The following SAMD4B variants were observed in gnomAD, a reference collection of about 807,000 sequenced individuals.
SAMD4B encodes the protein protein Smaug homolog 2.
In SAMD4B, 5 loss-of-function variants were observed where a neutral mutation model predicts 74.5. The observed-to-expected ratio is 0.07, with a 90% CI of 0.04 to 0.14. SAMD4B has a LOEUF of 0.14. SAMD4B is among the 10% of genes least tolerant of loss of function. The probability of loss-of-function intolerance (pLI) is 1.00; values close to 1 mark genes in which losing one functional copy is unlikely to be tolerated. For synonymous variants in SAMD4B, 373 were observed against 374.9 expected (o/e 1.00, Z 0.06); for missense variants, 608 against 921.8 (o/e 0.66, Z 4.41).
At chr19:39,343,989 C>CCG (rs1555716102) in intron 1 of SAMD4B, among the ~76,000 whole-genome samples, 1 of 82,602 alleles carries the variant, frequency 1.2e-5, no homozygotes, top group African/African-American at 3.8e-5. Context: ...AGGACCCCCC[C>CCG]CCCCCACACA....
rs557020697 is a variant in SAMD4B, at chr19:39,351,740, A to G, written c.-266-2266A>G. On this transcript the variant is annotated intron_variant, in intron 1 of 13. Coordinates refer to ENST00000610417, the MANE Select transcript of SAMD4B (RefSeq NM_001384574.2). ...CTGAAGCAGGCTTCCACCGTGAAATAGAAGAGGTGGCAACTGGTGACATCA... is the reference window on the plus strand; with the variant it reads ...CTGAAGCAGGCTTCCACCGTGAAATGGAAGAGGTGGCAACTGGTGACATCA... 2.0e-5 allele frequency: 3 copies of G among 152,112 alleles called. No homozygotes were observed. In the East Asian group the frequency reaches 5.8e-4, roughly 29 times the overall value. 9.4% of individuals were successfully genotyped at this position (152,112 alleles called of 1,614,324 possible).
At chr19:39,348,982 A>G (rs2075861421) in intron 1 of SAMD4B, among the ~76,000 whole-genome samples, 1 of 152,222 alleles carries the variant, frequency 6.6e-6, no homozygotes, top group South Asian at 2.1e-4. Context: ...CCTTCTCAGT[A>G]GGTACTATTA....
In SAMD4B at chr19:39,383,768, A is replaced by G. The variant is rs766106869; in HGVS notation, c.*241A>G. 1 of 1,482,320 alleles carries G rather than the reference A, an allele frequency of 6.7e-7. No individual in the cohort carries two copies. Among genetic ancestry groups the G allele is most frequent in the Non-Finnish European group, 9.1e-7 (1 of 1,100,174 alleles). The allele number at this position is 1,482,320 out of a possible 1,614,324, so 91.8% of individuals were successfully genotyped here. On this transcript the variant is annotated 3_prime_UTR_variant, in exon 14 of 14. Transcript: ENST00000610417. The surrounding 1 kb of genome is among the most constrained non-coding windows in gnomAD (Gnocchi z 4.1). ...TGGGGGCAGCCAGGATAAAGGGGGC[A>G]GGGACTGGCCAGACTGCCTGCCTCT... is the stretch of plus-strand genomic sequence containing the variant.
At chr19:39,366,985 A>G (rs1362935964) in intron 3 of SAMD4B, among the ~76,000 whole-genome samples, 1 of 152,208 alleles carries the variant, frequency 6.6e-6, no homozygotes, top group Non-Finnish European at 1.5e-5. Flanking sequence ...TAATAACCAC[A>G]ATACTAGTAA....
At chr19:39,362,453 G>C (rs941544278) in intron 3 of SAMD4B, among the ~76,000 whole-genome samples, 18 of 152,170 alleles carry the variant, frequency 1.2e-4, no homozygotes, top group African/African-American at 1.7e-4. Flanking sequence ...AAGTCCTCCA[G>C]CACAGGCAGC....
Position 39,385,669 on chromosome 19 carries a change from TG to T in SAMD4B, c.*2144del. Reference sequence around the variant, plus strand: ...CTTGTTTAATGGTCTGGGCTTATTTTGGAAAAAAAAAAAACAAACAAAAAAA... The same window carrying T: ...CTTGTTTAATGGTCTGGGCTTATTTTGAAAAAAAAAAAACAAACAAAAAAA... On this transcript the variant is annotated 3_prime_UTR_variant, in exon 14 of 14. Transcript: ENST00000610417. 1.8e-6 allele frequency: 1 copy of T among 542,406 alleles called. No homozygotes were observed. Among genetic ancestry groups the T allele is most frequent in the Non-Finnish European group, 3.2e-6 (1 of 309,562 alleles). 33.6% of individuals were successfully genotyped at this position (542,406 alleles called of 1,614,324 possible).
downstream of SAMD4B, among the ~76,000 whole-genome samples, chr19:39,387,902 C>T (rs2078287909): frequency 6.6e-6 from 1 of 152,154 alleles, no homozygotes; most frequent in African/African-American, 2.4e-5. Flanking sequence ...CTTTGGGAGG[C>T]CGAGGCAGGC....
rs1474918260 is a variant in SAMD4B at position 39,377,659 on chromosome 19, C to T, written c.1279C>T (p.Leu427=). 6.2e-7 allele frequency: 1 copy of T among 1,614,124 alleles called. No individual in the cohort carries two copies. Among genetic ancestry groups the T allele is most frequent in the Non-Finnish European group, 8.5e-7 (1 of 1,179,968 alleles). Residue 427 remains leucine, a synonymous_variant, in exon 8 of 14, where the codon CTA becomes TTA. Transcript: ENST00000610417. ...EPPLPGAEPP[L]AHPGTDKGTE... is the part of the protein sequence containing the mutation. ...ACCGCTGCCAGGTGCTGAGCCTCCC[C>T]TAGCCCACCCCGGCACAGACAAAGG...
chr19:39,349,726 G>C (rs376096811), intron 1 of SAMD4B: 4 of 152,316 alleles, frequency 2.6e-5, no homozygotes, highest in Admixed American at 1.3e-4. Context: ...AAAGAACTAG[G>C]AATGGGTAAG....
At chr19:39,388,465 T>A, downstream of SAMD4B, 1 of 1,614,212 alleles carries the variant, frequency 6.2e-7, no homozygotes, top group Non-Finnish European at 8.5e-7. Context: ...TTTGTAGTCA[T>A]ACCTGAAGAT....
chr19:39,383,992 G>A lies in SAMD4B; in HGVS notation c.*465G>A. 2 of 446,170 alleles carry A rather than the reference G, an allele frequency of 4.5e-6. No homozygotes were observed. The highest frequency in any genetic ancestry group is 3.3e-5 in the East Asian group (1 of 30,050). 27.6% of individuals were successfully genotyped at this position (446,170 alleles called of 1,614,324 possible). A position where few individuals can be genotyped will look rare whatever the true frequency, so the allele number is the denominator to read the frequency against. ...GCCCTCCAGAATGTTATTGAGAGGA[G>A]CTGGGGAGAAGGAAGGGGAGCAAGG... is the stretch of plus-strand genomic sequence containing the variant. On this transcript the variant is annotated 3_prime_UTR_variant, in exon 14 of 14. Transcript: ENST00000610417. The surrounding 1 kb of genome is among the most constrained non-coding windows in gnomAD (Gnocchi z 4.1).
chr19:39,365,536 C>A (rs1010048348), intron 3 of SAMD4B, among the ~76,000 whole-genome samples: 1 of 151,558 alleles, frequency 6.6e-6, no homozygotes. Flanking sequence ...ACTTGAACAA[C>A]AGAGCAAGCC....
intron 3 of SAMD4B, among the ~76,000 whole-genome samples, chr19:39,357,342 C>G (rs2076391783): frequency 6.6e-6 from 1 of 152,026 alleles, no homozygotes; most frequent in Non-Finnish European, 1.5e-5. Context: ...ACAGGAAGAT[C>G]ATGTAGAGTG....
intron 1 of SAMD4B, among the ~76,000 whole-genome samples, chr19:39,352,646 T>C (rs2076113290): frequency 6.6e-6 from 1 of 152,138 alleles, no homozygotes; most frequent in Admixed American, 6.5e-5. Context: ...GTTCAAAGCC[T>C]GGCCTTGTAA....
chr19:39,362,495 G>C (rs2076714593), intron 3 of SAMD4B, among the ~76,000 whole-genome samples: 3 of 152,170 alleles, frequency 2.0e-5, no homozygotes, highest in African/African-American at 7.2e-5. Flanking sequence ...AGGACATGAG[G>C]CGCAACACCT....
At chr19:39,389,860 T>C, downstream of SAMD4B, 1 of 1,510,096 alleles carries the variant, frequency 6.6e-7, no homozygotes, top group Admixed American at 1.7e-5. The surrounding 1 kb of genome is among the most constrained non-coding windows in gnomAD (Gnocchi z 5.3). Flanking sequence ...GAACTCAGAA[T>C]GAAGTGTCCC....
In SAMD4B at chr19:39,378,717, C is replaced by T. The variant is rs569761245; in HGVS notation, c.1530+128C>T. Reference sequence around the variant, plus strand: ...GGTCAGGAGATCGAGACCATCCTGGCTAACACAGTGAAACCCAGTCTTTAC... The same window carrying T: ...GGTCAGGAGATCGAGACCATCCTGGTTAACACAGTGAAACCCAGTCTTTAC... On this transcript the variant is annotated intron_variant, in intron 9 of 13. Transcript: ENST00000610417. The surrounding 1 kb of genome is among the most constrained non-coding windows in gnomAD (Gnocchi z 4.4). 2 of 684,048 alleles carry T rather than the reference C, an allele frequency of 2.9e-6. No homozygotes were observed. The highest frequency in any genetic ancestry group is 2.7e-5 in the Admixed American group (1 of 37,550). The allele number at this position is 684,048 out of a possible 1,614,324, so 42.4% of individuals were successfully genotyped here.
chr19:39,385,360 G>A lies in SAMD4B; in HGVS notation c.*1833G>A, dbSNP rs1392208448. Reference sequence around the variant, plus strand: ...TGTTCACTCTCCATCAGGGTGAGCTGACTGTGCCTGGCACTGGGAGGTGGT... The same window carrying A: ...TGTTCACTCTCCATCAGGGTGAGCTAACTGTGCCTGGCACTGGGAGGTGGT... On this transcript the variant is annotated 3_prime_UTR_variant, in exon 14 of 14. Transcript: ENST00000610417. The A allele has an allele frequency of 2.5e-6, 1 of 402,454 alleles. No individual in the cohort carries two copies. The highest frequency in any genetic ancestry group is 4.4e-6 in the Non-Finnish European group (1 of 228,264). The allele number at this position is 402,454 out of a possible 1,614,324, so 24.9% of individuals were successfully genotyped here. A position where few individuals can be genotyped will look rare whatever the true frequency, so the allele number is the denominator to read the frequency against.
downstream of SAMD4B, chr19:39,390,371 A>C: frequency 7.8e-7 from 1 of 1,286,498 alleles, no homozygotes; most frequent in Non-Finnish European, 1.1e-6. Flanking sequence ...AACCTTTCAA[A>C]AGGTAGGAGG....
Sources: gnomAD v4.1 joint callset for allele counts (sites outside exome capture counted in the v4.1 genomes callset) on GRCh38, gnomAD v4.1.1 for gene constraint, Gnocchi (gnomAD v3.1) non-coding constraint, MANE v1.5 for transcripts, NCBI Gene and HGNC (gene_info 2026-07-23, HGNC 2026-07-21) for gene names.